Variants in ATOSA observed in about 807,000 individuals in gnomAD.
ATOSA encodes atos homolog protein A.
chr15:52,602,067 T>C, the ATOSA span, among the ~76,000 whole-genome samples: 3 of 152,356 alleles, frequency 2.0e-5, no homozygotes, highest in Admixed American at 1.3e-4. Context: ...CAGACTTACA[T>C]TGAACATCTC....
chr15:52,607,986 T>C, the ATOSA span, among the ~76,000 whole-genome samples: 1 of 152,186 alleles, frequency 6.6e-6, no homozygotes, highest in African/African-American at 2.4e-5. Context: ...GCTCAAGTGA[T>C]TCCCCCACCT....
the ATOSA span, among the ~76,000 whole-genome samples, chr15:52,597,455 T>A: frequency 0.086 from 13,146 of 152,302 alleles, 961 homozygotes; most frequent in East Asian, 0.35. Flanking sequence ...GAACTCTTGA[T>A]ATGCAGGACA....
At chr15:52,624,284 C>T in the ATOSA span, among the ~76,000 whole-genome samples, 1 of 152,106 alleles carries the variant, frequency 6.6e-6, no homozygotes, top group Admixed American at 6.5e-5. Flanking sequence ...CTCTCCTTTC[C>T]ACCAACCCAA....
chr15:52,666,603 G>C, the ATOSA span, among the ~76,000 whole-genome samples: 1 of 152,128 alleles, frequency 6.6e-6, no homozygotes, highest in African/African-American at 2.4e-5. Context: ...TCTCAGAAAA[G>C]AGAATGCATA....
At chr15:52,679,148 A>T in the ATOSA span, 1 of 152,008 alleles carries the variant, frequency 6.6e-6, no homozygotes, top group African/African-American at 2.4e-5. Context: ...CCCTGTGGCC[A>T]TCCACCCGCG....
At chr15:52,642,388 C>T in the ATOSA span, among the ~76,000 whole-genome samples, 3 of 152,226 alleles carry the variant, frequency 2.0e-5, no homozygotes, top group South Asian at 6.2e-4. Flanking sequence ...TGAGCCTCAG[C>T]AAACTCACAT....
At chr15:52,615,410 A>G in the ATOSA span, among the ~76,000 whole-genome samples, 1 of 152,202 alleles carries the variant, frequency 6.6e-6, no homozygotes, top group South Asian at 2.1e-4. Flanking sequence ...ATCTCGGCCA[A>G]TCAAGCAACA....
At chr15:52,616,451 T>C in the ATOSA span, among the ~76,000 whole-genome samples, 1 of 152,212 alleles carries the variant, frequency 6.6e-6, no homozygotes. Context: ...GTGTGACCCC[T>C]GGTTGGAAGT....
the ATOSA span, among the ~76,000 whole-genome samples, chr15:52,700,561 C>T: frequency 2.2e-4 from 34 of 152,240 alleles, no homozygotes; most frequent in African/African-American, 7.5e-4. Flanking sequence ...CTTATTGTGA[C>T]GAGGCTTTTT....
the ATOSA span, among the ~76,000 whole-genome samples, chr15:52,688,027 G>A: frequency 2.0e-5 from 3 of 152,162 alleles, no homozygotes; most frequent in African/African-American, 7.2e-5. Flanking sequence ...AGAGACATGT[G>A]GAAGGGACTG....
chr15:52,662,638 C>T, the ATOSA span, among the ~76,000 whole-genome samples: 6 of 151,118 alleles, frequency 4.0e-5, no homozygotes, highest in Non-Finnish European at 7.4e-5. Flanking sequence ...GGCACGGTGG[C>T]GGGTGCCTGT....
chr15:52,632,458 T>C, the ATOSA span, among the ~76,000 whole-genome samples: 1 of 152,138 alleles, frequency 6.6e-6, no homozygotes, highest in Admixed American at 6.5e-5. Flanking sequence ...GTAGCATAAT[T>C]AGGAGAAAAG....
the ATOSA span, among the ~76,000 whole-genome samples, chr15:52,637,943 C>A: frequency 1.3e-5 from 2 of 152,186 alleles, no homozygotes; most frequent in Non-Finnish European, 2.9e-5. Flanking sequence ...AATGTTACTT[C>A]TTTCCAGTCT....
chr15:52,647,111 C>G, the ATOSA span, among the ~76,000 whole-genome samples: 3,232 of 152,234 alleles, frequency 0.021, 109 homozygotes, highest in African/African-American at 0.075. Flanking sequence ...GTTAATATTA[C>G]TGGACTCAAT....
chr15:52,708,870 G>A, the ATOSA span, among the ~76,000 whole-genome samples: 1 of 152,142 alleles, frequency 6.6e-6, no homozygotes, highest in Non-Finnish European at 1.5e-5. Context: ...CTAGCACACT[G>A]TGGGAATCAT....
At chr15:52,703,922 C>T in the ATOSA span, among the ~76,000 whole-genome samples, 5 of 151,648 alleles carry the variant, frequency 3.3e-5, no homozygotes, top group East Asian at 1.9e-4. Context: ...AAATTGGGGG[C>T]GGGAATGTCT....
chr15:52,652,823 T>C, the ATOSA span, among the ~76,000 whole-genome samples: 2 of 152,188 alleles, frequency 1.3e-5, no homozygotes, highest in Non-Finnish European at 2.9e-5. Flanking sequence ...TATAGAAGTA[T>C]AGACTTTTTT....
chr15:52,641,942 A>G, the ATOSA span, among the ~76,000 whole-genome samples: 1 of 152,254 alleles, frequency 6.6e-6, no homozygotes, highest in Admixed American at 6.5e-5. Context: ...GGTCATTATC[A>G]TTAACTTCAG....
At chr15:52,682,167 ACAAATTT>A in the ATOSA span, among the ~76,000 whole-genome samples, 1 of 152,166 alleles carries the variant, frequency 6.6e-6, no homozygotes, top group Non-Finnish European at 1.5e-5. Flanking sequence ...GGTGGGTAGC[ACAAATTT>A]CATTTGTAAA....
Sources: gnomAD v4.1 joint callset for allele counts (sites outside exome capture counted in the v4.1 genomes callset) on GRCh38, gnomAD v4.1.1 for gene constraint, MANE v1.5 for transcripts, NCBI Gene and HGNC (gene_info 2026-07-23, HGNC 2026-07-21) for gene names.